Variants in DNAH10 observed in about 807,000 individuals in gnomAD.
DNAH10 encodes the protein dynein axonemal heavy chain 10.
A neutral mutation model predicts 506.6 loss-of-function variants in DNAH10; 348 were observed. The ratio of observed to expected loss-of-function variants is 0.69; its 90% CI spans 0.63 to 0.75. The LOEUF (loss-of-function observed/expected upper bound fraction) is 0.75. Ranked by LOEUF, DNAH10 falls within the 30% of genes least tolerant of loss-of-function variation. The probability of loss-of-function intolerance (pLI) is 0.00; values close to 1 mark genes in which losing one functional copy is unlikely to be tolerated. For synonymous variants in DNAH10, 2,059 were observed against 2,198.6 expected (o/e 0.94, Z 1.78); for missense variants, 5,179 against 5,787.1 (o/e 0.89, Z 3.41).
intron 65 of DNAH10, among the ~76,000 whole-genome samples, chr12:123,921,607 A>T (rs1954725560): frequency 6.7e-6 from 1 of 148,348 alleles, no homozygotes; most frequent in African/African-American, 2.5e-5. Context: ...TTTGCATCTC[A>T]GCTTTATCTC....
In DNAH10 at chr12:123,783,111, G is replaced by C; in HGVS notation, c.846G>C (p.Glu282Asp). ...TGATCACTTTTATTTTCCTAGGTGA[G>C]ATCAAGTTAGAAATGCCAATCATCA... ...IQRTMQQLEG[E>D]IKLEMPIISV... is the part of the protein sequence containing the mutation. The change falls in exon 7 of 79, where the codon GAG (glutamate) becomes GAC (aspartate). Residue 282 changes from glutamate (E) to aspartate (D), a missense_variant. Physicochemically the swap from Glu to Asp is conservative, Grantham distance 45. This residue lies in a region of DNAH10 where 4,844 missense variants were observed against 5,430.5 expected (regional missense o/e 0.89). Coordinates refer to ENST00000673944, the MANE Select transcript of DNAH10 (RefSeq NM_001372106.1). 1 of 1,614,142 alleles carries C rather than the reference G, an allele frequency of 6.2e-7. No individual in the cohort carries two copies. Among genetic ancestry groups the C allele is most frequent in the South Asian group, 1.1e-5 (1 of 91,078 alleles).
rs908671040 is a variant in DNAH10 at position 123,808,889 on chromosome 12, C to T, written c.3080C>T (p.Pro1027Leu). Residue 1027 changes from proline (P) to leucine (L), a missense_variant, in exon 19 of 79, where the codon CCC (proline) becomes CTC (leucine). Pro to Leu is a moderately conservative substitution (Grantham distance 98). Coordinates refer to ENST00000673944, the MANE Select transcript of DNAH10 (RefSeq NM_001372106.1). ...ILTAPEIILHPNTNEIDKMCF... is the reference protein window; with the variant it reads ...ILTAPEIILHLNTNEIDKMCF... ...ACGGCACCTGAGATCATCCTTCATC[C>T]CAACACAAATGAGATCGACAAGATG... 5 of 1,614,166 alleles carry T rather than the reference C, an allele frequency of 3.1e-6. No homozygotes were observed. The highest frequency in any genetic ancestry group is 3.4e-6 in the Non-Finnish European group (4 of 1,180,034).
intron 18 of DNAH10, among the ~76,000 whole-genome samples, chr12:123,808,233 G>A (rs1958786697): frequency 6.6e-6 from 1 of 152,124 alleles, no homozygotes; most frequent in Non-Finnish European, 1.5e-5. Context: ...GTCTTGCTGT[G>A]TTGCCCAGGC....
intron 60 of DNAH10, 37 bp from the exon 61 acceptor site, chr12:123,914,292 G>A: frequency 4.1e-6 from 6 of 1,471,168 alleles, no homozygotes; most frequent in Non-Finnish European, 5.6e-6. Flanking sequence ...TGGCCAGAAG[G>A]TAAACTCACG....
intron 51 of DNAH10, among the ~76,000 whole-genome samples, chr12:123,884,568 C>G (rs1449632352): frequency 2.0e-5 from 3 of 152,198 alleles, no homozygotes; most frequent in Non-Finnish European, 4.4e-5. Flanking sequence ...CACGAAAAGT[C>G]TTTGGGGTCC....
Position 123,762,580 on chromosome 12 carries a change from G to C in DNAH10, c.214+30G>C. 5 of 1,532,020 alleles carry C rather than the reference G, an allele frequency of 3.3e-6. No homozygotes were observed. Among genetic ancestry groups the C allele is most frequent in the Non-Finnish European group, 4.4e-6 (5 of 1,140,178 alleles). The allele number at this position is 1,532,020 out of a possible 1,614,324, so 94.9% of individuals were successfully genotyped here. ...GCCTCGACGCGCCGCTCCCTTCCCC[G>C]GGCTTCCCTCCTGCCCGTCCCGGCC... On this transcript the variant is annotated intron_variant, in intron 1 of 78. Coordinates refer to ENST00000673944, the MANE Select transcript of DNAH10 (RefSeq NM_001372106.1). The surrounding 1 kb of genome is among the most constrained non-coding windows in gnomAD (Gnocchi z 5.0).
intron 57 of DNAH10, among the ~76,000 whole-genome samples, chr12:123,906,396 C>T (rs1953783417): frequency 6.6e-6 from 1 of 152,076 alleles, no homozygotes; most frequent in Non-Finnish European, 1.5e-5. Flanking sequence ...CACCCACCAC[C>T]ATGCCCGGCT....
chr12:123,791,551 G>A (rs1307682114), intron 11 of DNAH10, among the ~76,000 whole-genome samples: 2 of 152,030 alleles, frequency 1.3e-5, no homozygotes, highest in Non-Finnish European at 2.9e-5. Context: ...TGCTTTTTCA[G>A]TTGAACCTTT....
chr12:123,813,974 C>T (rs978994712), intron 21 of DNAH10, 62 bp downstream of exon 21: 2 of 1,454,198 alleles, frequency 1.4e-6, no homozygotes. Context: ...CGACCCTTTT[C>T]AGAAATGCTT....
intron 52 of DNAH10, among the ~76,000 whole-genome samples, chr12:123,892,740 G>A (rs1348988426): frequency 1.3e-5 from 2 of 152,204 alleles, no homozygotes; most frequent in African/African-American, 2.4e-5. Flanking sequence ...AGGGTTTCTC[G>A]ACTGCGTGCC....
Position 123,935,580 on chromosome 12 carries a change from G to A in DNAH10, c.*99G>A. 1 of 1,281,150 alleles carries A rather than the reference G, an allele frequency of 7.8e-7. No individual in the cohort carries two copies. Among genetic ancestry groups the A allele is most frequent in the Non-Finnish European group, 1.1e-6 (1 of 939,926 alleles). 79.4% of individuals were successfully genotyped at this position (1,281,150 alleles called of 1,614,324 possible). A position where few individuals can be genotyped will look rare whatever the true frequency, so the allele number is the denominator to read the frequency against. On this transcript the variant is annotated 3_prime_UTR_variant, in exon 79 of 79. Transcript: ENST00000673944. ...CTTGGGGCCTCTCAAGAGGCAGGAG[G>A]GGGACTGACACTGATTTTTCATTTG...
chr12:123,838,632 G>T lies in DNAH10; in HGVS notation c.5079G>T (p.Glu1693Asp). The T allele has an allele frequency of 6.2e-7, 1 of 1,614,026 alleles. No individual in the cohort carries two copies. Among genetic ancestry groups the T allele is most frequent in the Non-Finnish European group, 8.5e-7 (1 of 1,179,898 alleles). ...GGTTCTTCTTCATTTCTGACGATGAGTTGCTTAGCATTCTGGGGAGCAGCG... is the reference window on the plus strand; with the variant it reads ...GGTTCTTCTTCATTTCTGACGATGATTTGCTTAGCATTCTGGGGAGCAGCG... Reference protein sequence around the residue: ...FPRFFFISDDELLSILGSSDP... With the variant: ...FPRFFFISDDDLLSILGSSDP... The change falls in exon 29 of 79, where the codon GAG becomes GAT. Residue 1693 changes from glutamate (E) to aspartate (D), a missense_variant. By Grantham distance (45) the Glu-to-Asp change is conservative. Transcript: ENST00000673944.
intron 6 of DNAH10, among the ~76,000 whole-genome samples, chr12:123,781,921 A>G (rs972387084): frequency 2.0e-5 from 3 of 151,554 alleles, no homozygotes; most frequent in African/African-American, 7.3e-5. Context: ...TGTTAGGATG[A>G]TGGGCCTTTG....
intron 39 of DNAH10, among the ~76,000 whole-genome samples, chr12:123,862,025 T>C (rs1168757270): frequency 6.6e-6 from 1 of 152,140 alleles, no homozygotes; most frequent in Non-Finnish European, 1.5e-5. Context: ...TGGTCTCGGT[T>C]TGGGTTTGTC....
chr12:123,895,258 T>C (rs143397720), intron 54 of DNAH10, among the ~76,000 whole-genome samples: 34 of 152,360 alleles, frequency 2.2e-4, no homozygotes, highest in African/African-American at 7.5e-4. Flanking sequence ...ATATTAATTT[T>C]AATGTTTGAA....
At position 123,902,477 on chromosome 12, in the gene DNAH10, C is replaced by G. The variant is rs1461032394; in HGVS notation, c.9641-462C>G. Among the ~76,000 whole-genome samples, 2 of 152,134 alleles carry G rather than the reference C, an allele frequency of 1.3e-5. No homozygotes were observed. Among genetic ancestry groups the G allele is most frequent in the African/African-American group, 4.8e-5 (2 of 41,424 alleles). On this transcript the variant is annotated intron_variant, in intron 56 of 78. Transcript: ENST00000673944. The surrounding 1 kb of genome is among the most constrained non-coding windows in gnomAD (Gnocchi z 4.5). ...TTGCGATTGGTGTCATGAAGCAAGT[C>G]AGCAAGGAAGGGAGAGAGAGGACGA...
chr12:123,916,773 G>A lies in DNAH10; in HGVS notation c.11002+37G>A. On this transcript the variant is annotated intron_variant, in intron 63 of 78. Coordinates refer to ENST00000673944, the MANE Select transcript of DNAH10 (RefSeq NM_001372106.1). The surrounding 1 kb of genome is among the most constrained non-coding windows in gnomAD (Gnocchi z 4.6). ...TAGAACCTCCACTGCTAATTCAGATGGTTATGAGGGAGACCGCAACCTCAG... is the reference window on the plus strand; with the variant it reads ...TAGAACCTCCACTGCTAATTCAGATAGTTATGAGGGAGACCGCAACCTCAG... The A allele has an allele frequency of 1.3e-6, 2 of 1,561,990 alleles. No individual in the cohort carries two copies. Among genetic ancestry groups the A allele is most frequent in the Admixed American group, 1.9e-5 (1 of 52,990 alleles).
chr12:123,933,258 C>G (rs1414078014), intron 76 of DNAH10, 73 bp from the exon 77 acceptor site: 38 of 1,310,428 alleles, frequency 2.9e-5, no homozygotes, highest in African/African-American at 6.1e-5. Flanking sequence ...ATAAACTAAA[C>G]TTCCAGGCCA....
rs552743978 is a variant in DNAH10 at position 123,853,825 on chromosome 12, C to T, written c.6438+473C>T. Among the ~76,000 whole-genome samples the T allele has an allele frequency of 2.4e-4, 36 of 150,776 alleles. 1 individual carries two copies. In the South Asian group the frequency reaches 6.5e-3, roughly 27 times the overall value. On this transcript the variant is annotated intron_variant, in intron 36 of 78. Coordinates refer to ENST00000673944, the MANE Select transcript of DNAH10 (RefSeq NM_001372106.1). The surrounding 1 kb of genome is among the most constrained non-coding windows in gnomAD (Gnocchi z 4.7). ...ACTCAATGTTGCACGCACACACGCA[C>T]GCACACACACGCACACGCACGGACA...
Sources: gnomAD v4.1 joint callset for allele counts (sites outside exome capture counted in the v4.1 genomes callset) on GRCh38, gnomAD v4.1.1 for gene constraint, gnomAD v4.1.1 regional missense constraint, Gnocchi (gnomAD v3.1) non-coding constraint, MANE v1.5 for transcripts, NCBI Gene and HGNC (gene_info 2026-07-23, HGNC 2026-07-21) for gene names.